Variants in NLGN1 observed in about 807,000 individuals in gnomAD.
NLGN1 encodes neuroligin 1.
In NLGN1, 12 loss-of-function variants were observed where a neutral mutation model predicts 65.5. The observed-to-expected ratio is 0.18, with a 90% CI of 0.12 to 0.30. The LOEUF (loss-of-function observed/expected upper bound fraction) is 0.30, where lower values mean the gene tolerates loss of function less well. NLGN1 is among the 10% of genes least tolerant of loss of function. The pLI is 1.00. For missense variants in NLGN1, 750 were observed against 1,007.1 expected (o/e 0.74, Z 3.46); for synonymous variants, 350 against 359.5 (o/e 0.97, Z 0.30).
At chr3:173,785,061 C>T (rs576199287) in intron 3 of NLGN1, among the ~76,000 whole-genome samples, 2 of 152,274 alleles carry the variant, frequency 1.3e-5, no homozygotes, top group East Asian at 1.9e-4. Context: ...CATACACACA[C>T]ATAACAAGAC....
At chr3:174,072,741 G>A (rs1487358881) in intron 4 of NLGN1, among the ~76,000 whole-genome samples, 1 of 152,092 alleles carries the variant, frequency 6.6e-6, no homozygotes. Context: ...AAGGTAAGAT[G>A]TCAAAGATTC....
chr3:173,847,557 C>T (rs922768243), intron 4 of NLGN1, among the ~76,000 whole-genome samples: 1 of 152,126 alleles, frequency 6.6e-6, no homozygotes, highest in African/African-American at 2.4e-5. Context: ...TTATTTTACA[C>T]ACTTAAAAAT....
At chr3:173,454,849 A>T (rs1005616327) in intron 2 of NLGN1, among the ~76,000 whole-genome samples, 1 of 152,212 alleles carries the variant, frequency 6.6e-6, no homozygotes, top group African/African-American at 2.4e-5. Flanking sequence ...TAACACTTTT[A>T]GGCTTACTTC....
intron 2 of NLGN1, among the ~76,000 whole-genome samples, chr3:173,499,696 G>T (rs1172687464): frequency 6.6e-6 from 1 of 151,908 alleles, no homozygotes; most frequent in Non-Finnish European, 1.5e-5. Flanking sequence ...AGCATGGGAT[G>T]TTCTTCCATT....
At chr3:173,683,256 A>G (rs1764221276) in intron 3 of NLGN1, among the ~76,000 whole-genome samples, 1 of 152,146 alleles carries the variant, frequency 6.6e-6, no homozygotes, top group South Asian at 2.1e-4. Context: ...AGAAACTATC[A>G]TTCCTACACA....
At chr3:174,119,608 G>A (rs114729972) in intron 4 of NLGN1, among the ~76,000 whole-genome samples, 229 of 152,192 alleles carry the variant, frequency 1.5e-3, no homozygotes, top group Middle Eastern at 3.4e-3. Flanking sequence ...CTTTAAAACT[G>A]CTCCAAAACA....
At chr3:173,701,054 G>A (rs373084963) in intron 3 of NLGN1, among the ~76,000 whole-genome samples, 1 of 152,144 alleles carries the variant, frequency 6.6e-6, no homozygotes, top group East Asian at 1.9e-4. Context: ...GAACCCAGGA[G>A]GTGGAGCTTG....
intron 4 of NLGN1, among the ~76,000 whole-genome samples, chr3:173,969,989 G>T (rs1715830283): frequency 6.6e-6 from 1 of 151,220 alleles, no homozygotes; most frequent in South Asian, 2.1e-4. Context: ...ATATTTTTAA[G>T]TGAACTCTAT....
At chr3:173,991,510 C>A (rs1255638567) in intron 4 of NLGN1, among the ~76,000 whole-genome samples, 3 of 152,032 alleles carry the variant, frequency 2.0e-5, no homozygotes, top group Non-Finnish European at 4.4e-5. Flanking sequence ...ATGTTACTAG[C>A]CACACGTGTC....
chr3:174,267,069 A>G (rs904778238), intron 4 of NLGN1, among the ~76,000 whole-genome samples: 6 of 152,324 alleles, frequency 3.9e-5, no homozygotes, highest in East Asian at 1.9e-4. Context: ...GATATTGTCT[A>G]TTAGGAAACC....
intron 4 of NLGN1, among the ~76,000 whole-genome samples, chr3:174,132,615 A>C (rs1720419777): frequency 6.6e-6 from 1 of 152,182 alleles, no homozygotes; most frequent in Non-Finnish European, 1.5e-5. Context: ...CCCAGAGTTC[A>C]AGGTACTCGA....
intron 4 of NLGN1, among the ~76,000 whole-genome samples, chr3:174,143,226 A>G (rs1475160872): frequency 6.6e-6 from 1 of 152,158 alleles, no homozygotes; most frequent in Non-Finnish European, 1.5e-5. Flanking sequence ...AATATTATTT[A>G]TATTAAATAG....
chr3:173,604,283 T>C (rs1751022512), exon 3 of NLGN1: 1 of 319,462 alleles, frequency 3.1e-6, no homozygotes, highest in East Asian at 6.1e-5. Flanking sequence ...TTCTAGGATA[T>C]AGACCTGCAG....
intron 4 of NLGN1, among the ~76,000 whole-genome samples, chr3:173,945,352 C>T (rs578000032): frequency 6.6e-6 from 1 of 152,118 alleles, no homozygotes; most frequent in African/African-American, 2.4e-5. Flanking sequence ...AACCTAATTT[C>T]CCTGTGCATA....
chr3:173,559,449 A>C (rs769413722), intron 2 of NLGN1, among the ~76,000 whole-genome samples: 23 of 152,196 alleles, frequency 1.5e-4, no homozygotes, highest in Non-Finnish European at 3.2e-4. Flanking sequence ...TGCTATACTC[A>C]TGGCTCACCT....
intron 2 of NLGN1, among the ~76,000 whole-genome samples, chr3:173,508,683 T>G (rs773949172): frequency 2.0e-5 from 3 of 152,148 alleles, no homozygotes; most frequent in African/African-American, 4.8e-5. Flanking sequence ...CATTTGCCAG[T>G]TTCCTCTGAG....
intron 4 of NLGN1, among the ~76,000 whole-genome samples, chr3:173,990,248 G>A (rs1720819876): frequency 6.6e-6 from 1 of 152,036 alleles, no homozygotes; most frequent in Admixed American, 6.6e-5. Context: ...AAGTACTTAG[G>A]GTGCTAGGCA....
In NLGN1 at chr3:173,501,246, C is replaced by T. The variant is rs151003332; in HGVS notation, c.-321+66168C>T. Among the ~76,000 whole-genome samples the T allele has an allele frequency of 4.1e-3, 628 of 152,110 alleles. 7 individuals carry two copies. Among genetic ancestry groups the T allele is most frequent in the African/African-American group, 0.014 (596 of 41,486 alleles). On this transcript the variant is annotated intron_variant, in intron 2 of 6. Transcript: ENST00000457714. ...CATGCATCAGCTATTTATCCTGATG[C>T]TCTCCCTCCCCCGGCAGTCCACCAG...
At chr3:173,633,198 TC>T (rs1203140792) in intron 3 of NLGN1, among the ~76,000 whole-genome samples, 1 of 152,144 alleles carries the variant, frequency 6.6e-6, no homozygotes, top group Non-Finnish European at 1.5e-5. Flanking sequence ...CATTTTCACA[TC>T]ATAATTGAGA....
Sources: gnomAD v4.1 joint callset for allele counts (sites outside exome capture counted in the v4.1 genomes callset) on GRCh38, gnomAD v4.1.1 for gene constraint, MANE v1.5 for transcripts, NCBI Gene and HGNC (gene_info 2026-07-23, HGNC 2026-07-21) for gene names.